LTBP1: variants seen among roughly 807,000 people sequenced by gnomAD.
The protein encoded by LTBP1 is latent-transforming growth factor beta-binding protein 1.
A neutral mutation model predicts 207.6 loss-of-function variants in LTBP1; 129 were observed. That is an observed-to-expected ratio of 0.62 (90% CI 0.54 to 0.72). The LOEUF is 0.72. LTBP1 is among the 30% of genes least tolerant of loss of function. The pLI is 0.00. For missense variants in LTBP1, 2,281 were observed against 2,217.2 expected, an observed-to-expected ratio of 1.03 and a Z score of -0.58; for synonymous variants, 963 against 833.7, an observed-to-expected ratio of 1.16 and a Z score of -2.67.
intron 9 of LTBP1, among the ~76,000 whole-genome samples, chr2:33,228,697 C>CTTTTTTTTTTTTTTTT (rs1244221993): frequency 0.013 from 1,253 of 98,986 alleles, 262 homozygotes; most frequent in African/African-American, 0.025. Flanking sequence ...GGGTTATACC[C>CTTTTTTTTTTTTTTTT]TTTTTTTTTT....
intron 24 of LTBP1, among the ~76,000 whole-genome samples, chr2:33,340,530 A>G (rs1343389158): frequency 6.6e-6 from 1 of 152,218 alleles, no homozygotes; most frequent in Non-Finnish European, 1.5e-5. Context: ...AGGAGTGGGC[A>G]TTCAGCCAGA....
intron 2 of LTBP1, among the ~76,000 whole-genome samples, chr2:33,006,784 C>T (rs1005789372): frequency 6.6e-6 from 1 of 151,702 alleles, no homozygotes; most frequent in Non-Finnish European, 1.5e-5. Context: ...CCTTAAAGTC[C>T]ACAATTCTGT....
intron 5 of LTBP1, among the ~76,000 whole-genome samples, chr2:33,141,109 C>T (rs2082614610): frequency 6.6e-6 from 1 of 152,206 alleles, no homozygotes; most frequent in Non-Finnish European, 1.5e-5. Flanking sequence ...AATAAAAGTC[C>T]TTGCCCTCCT....
intron 9 of LTBP1, among the ~76,000 whole-genome samples, chr2:33,234,561 A>T (rs1038686994): frequency 3.9e-5 from 6 of 152,086 alleles, no homozygotes; most frequent in African/African-American, 1.4e-4. Flanking sequence ...CACTGCTCAA[A>T]GAAATAAGAG....
chr2:33,052,095 G>A (rs1248203315), intron 3 of LTBP1, among the ~76,000 whole-genome samples: 9 of 152,172 alleles, frequency 5.9e-5, no homozygotes, highest in African/African-American at 2.2e-4. Flanking sequence ...TGGAAAGGCT[G>A]GTAAGGACTT....
At chr2:33,361,584 C>A in intron 28 of LTBP1, 69 bp downstream of exon 28, 1 of 1,132,324 alleles carries the variant, frequency 8.8e-7, no homozygotes, top group Non-Finnish European at 1.3e-6. Context: ...GAAAACATGG[C>A]TTGGGTTTCA....
In LTBP1 at chr2:33,354,513, T is replaced by C. The variant is rs117604927; in HGVS notation, c.4001-6084T>C. 1.6e-3 allele frequency among the ~76,000 whole-genome samples: 240 copies of C among 152,214 alleles called. 3 individuals carry two copies. The East Asian group carries it at 0.016, about 10-fold the overall frequency. Reference sequence around the variant, plus strand: ...ATATCTAGTCAAGTTTCTTCCCACATCCAGCGATGACAATGAGAAGGTATC... The same window carrying C: ...ATATCTAGTCAAGTTTCTTCCCACACCCAGCGATGACAATGAGAAGGTATC... On this transcript the variant is annotated intron_variant, in intron 26 of 33. Coordinates refer to ENST00000404816, the MANE Select transcript of LTBP1 (RefSeq NM_206943.4).
intron 5 of LTBP1, among the ~76,000 whole-genome samples, chr2:33,180,589 C>A (rs1007314424): frequency 1.3e-5 from 2 of 151,780 alleles, no homozygotes; most frequent in Admixed American, 6.6e-5. Context: ...GTAGCTGGGA[C>A]TACAGGTACA....
intron 5 of LTBP1, among the ~76,000 whole-genome samples, chr2:33,168,998 T>C (rs1195262382): frequency 6.6e-6 from 1 of 152,150 alleles, no homozygotes; most frequent in East Asian, 1.9e-4. Context: ...GCAGCAGAGT[T>C]AGGGGGGAGC....
chr2:33,084,275 A>T (rs1558614927), intron 3 of LTBP1, among the ~76,000 whole-genome samples: 1 of 152,170 alleles, frequency 6.6e-6, no homozygotes, highest in Non-Finnish European at 1.5e-5. Flanking sequence ...TTAAATTTTC[A>T]GCTGAGTCTG....
intron 3 of LTBP1, among the ~76,000 whole-genome samples, chr2:33,052,214 A>G (rs2076779206): frequency 1.3e-5 from 2 of 152,362 alleles, no homozygotes; most frequent in Non-Finnish European, 2.9e-5. Context: ...GGAAAAACCC[A>G]TGAGCTCTCT....
intron 7 of LTBP1, among the ~76,000 whole-genome samples, chr2:33,208,238 C>A (rs926841561): frequency 6.6e-6 from 1 of 152,180 alleles, no homozygotes; most frequent in Non-Finnish European, 1.5e-5. Context: ...ATGGGACATA[C>A]CTGTACAGTG....
chr2:33,355,211 T>C (rs1257702604), intron 26 of LTBP1, among the ~76,000 whole-genome samples: 2 of 151,822 alleles, frequency 1.3e-5, no homozygotes, highest in Non-Finnish European at 2.9e-5. Flanking sequence ...TGTTCCCCCA[T>C]CTCCATATGT....
intron 31 of LTBP1, among the ~76,000 whole-genome samples, chr2:33,379,813 T>G (rs1309650128): frequency 2.0e-5 from 3 of 152,268 alleles, no homozygotes; most frequent in African/African-American, 2.4e-5. Flanking sequence ...TTACATTGAT[T>G]AGAACTTGCT....
chr2:33,381,511 G>A (rs1163368999), intron 31 of LTBP1, among the ~76,000 whole-genome samples: 2 of 152,138 alleles, frequency 1.3e-5, no homozygotes, highest in African/African-American at 4.8e-5. Flanking sequence ...ACCTTGCCAA[G>A]ACTTTAGACT....
At chr2:32,998,489 G>A in intron 2 of LTBP1, among the ~76,000 whole-genome samples, 1 of 117,032 alleles carries the variant, frequency 8.5e-6, no homozygotes, top group South Asian at 3.1e-4. Flanking sequence ...ACTCCAGCCT[G>A]GCAACAGAGT....
chr2:33,042,810 A>G (rs2076255394), intron 3 of LTBP1, among the ~76,000 whole-genome samples: 1 of 152,302 alleles, frequency 6.6e-6, no homozygotes, highest in East Asian at 1.9e-4. Context: ...TTGTTACGCT[A>G]ATAAATTGGT....
At chr2:33,095,489 A>G (rs1272665580) in intron 3 of LTBP1, among the ~76,000 whole-genome samples, 1 of 152,160 alleles carries the variant, frequency 6.6e-6, no homozygotes, top group African/African-American at 2.4e-5. Context: ...GCAACAAAAT[A>G]ATTAACATTA....
At chr2:33,215,530 G>A (rs761658822) in intron 7 of LTBP1, among the ~76,000 whole-genome samples, 1 of 152,038 alleles carries the variant, frequency 6.6e-6, no homozygotes, top group African/African-American at 2.4e-5. Context: ...GTTACTTAGC[G>A]CCTCAGTCAG....
Sources: gnomAD v4.1 joint callset for allele counts (sites outside exome capture counted in the v4.1 genomes callset) on GRCh38, gnomAD v4.1.1 for gene constraint, MANE v1.5 for transcripts, NCBI Gene and HGNC (gene_info 2026-07-23, HGNC 2026-07-21) for gene names.